Variants in NAPB observed in about 807,000 individuals in gnomAD.
NAPB encodes NSF attachment protein beta, also known as beta-soluble NSF attachment protein.
A neutral mutation model predicts 44.7 loss-of-function variants in NAPB; 26 were observed. The observed-to-expected ratio is 0.58, with a 90% confidence interval of 0.43 to 0.81. The LOEUF is 0.81. NAPB is among the 30% of genes least tolerant of loss of function. The pLI, the probability that NAPB is intolerant of heterozygous loss-of-function variation, is 0.00. For synonymous variants in NAPB, 120 were observed against 116.8 expected, an observed-to-expected ratio of 1.03 and a Z score of -0.18; for missense variants, 315 against 356.4, an observed-to-expected ratio of 0.88 and a Z score of 0.94.
chr20:23,413,026 T>C (rs1158012796), intron 1 of NAPB, among the ~76,000 whole-genome samples: 1 of 151,964 alleles, frequency 6.6e-6, no homozygotes, highest in Non-Finnish European at 1.5e-5. Context: ...TGGGTGCAGG[T>C]GGCTCATGCC....
intron 1 of NAPB, among the ~76,000 whole-genome samples, chr20:23,414,998 T>C (rs1352715974): frequency 6.6e-6 from 1 of 152,124 alleles, no homozygotes; most frequent in Admixed American, 6.5e-5. Context: ...AATTCATACA[T>C]GAATTAAGAT....
intron 2 of NAPB, among the ~76,000 whole-genome samples, chr20:23,399,103 C>T (rs1984627505): frequency 6.6e-6 from 1 of 152,016 alleles, no homozygotes; most frequent in Non-Finnish European, 1.5e-5. Context: ...AGGGACAGTA[C>T]AAACTCTGGA....
At chr20:23,419,989 T>C (rs960056469) in intron 1 of NAPB, among the ~76,000 whole-genome samples, 8 of 151,012 alleles carry the variant, frequency 5.3e-5, no homozygotes, top group South Asian at 2.1e-4. Context: ...TCTTCTGAAA[T>C]AGAGTCTGAA....
intron 2 of NAPB, among the ~76,000 whole-genome samples, chr20:23,401,308 C>T (rs371247783): frequency 2.2e-4 from 34 of 152,144 alleles, no homozygotes; most frequent in African/African-American, 7.5e-4. Context: ...TTCACTGGAA[C>T]GCTAGGCACG....
chr20:23,386,643 G>T (rs147442541), intron 7 of NAPB, among the ~76,000 whole-genome samples: 2 of 152,184 alleles, frequency 1.3e-5, no homozygotes, highest in Non-Finnish European at 2.9e-5. Context: ...AGAACACCAC[G>T]TTCAGGGGAG....
At chr20:23,420,696 C>T (rs942918198) in intron 1 of NAPB, among the ~76,000 whole-genome samples, 1 of 152,144 alleles carries the variant, frequency 6.6e-6, no homozygotes, top group African/African-American at 2.4e-5. Context: ...CGAGCTACCG[C>T]GCCCGCGGGC....
chr20:23,380,979 G>A, intron 8 of NAPB: 1 of 447,494 alleles, frequency 2.2e-6, no homozygotes, highest in Non-Finnish European at 4.1e-6. Context: ...GATCAGACGA[G>A]ATTGGGTGTG....
At chr20:23,392,339 C>T (rs1162015248) in intron 5 of NAPB, among the ~76,000 whole-genome samples, 1 of 152,154 alleles carries the variant, frequency 6.6e-6, no homozygotes, top group Non-Finnish European at 1.5e-5. Context: ...AACCATAGTA[C>T]ACCTGTTCTT....
Position 23,390,042 on chromosome 20 carries a change from A to C in NAPB, c.477-12T>G, listed in dbSNP as rs919641808. The stretch of plus-strand genomic sequence containing the variant: ...ACTTGTTTGCTGAGCTGAAATCAAG[A>C]ACCAAAGCAGAGTGAGTAACAAGTC... On this transcript the variant is annotated splice_polypyrimidine_tract_variant and intron_variant, in intron 6 of 10. Transcript: ENST00000377026. 3.7e-6 allele frequency: 6 copies of C among 1,613,684 alleles called. No homozygotes were observed.
intron 3 of NAPB, 78 bp downstream of exon 3, chr20:23,396,993 CA>C: frequency 6.9e-7 from 1 of 1,448,008 alleles, no homozygotes. Context: ...AGCACACCAA[CA>C]CTGACCTTAA....
At chr20:23,410,238 C>T (rs1360544178) in intron 1 of NAPB, among the ~76,000 whole-genome samples, 1 of 152,084 alleles carries the variant, frequency 6.6e-6, no homozygotes, top group African/African-American at 2.4e-5. Context: ...TTAAAGAAAC[C>T]GCACTTAACT....
chr20:23,397,764 T>C (rs964877382), intron 2 of NAPB, among the ~76,000 whole-genome samples: 1 of 152,222 alleles, frequency 6.6e-6, no homozygotes, highest in African/African-American at 2.4e-5. Context: ...CTGACTGAAA[T>C]TTATATGAGG....
chr20:23,421,375 C>G lies in NAPB; in HGVS notation c.28G>C (p.Ala10Pro). 1 of 1,552,262 alleles carries G rather than the reference C, an allele frequency of 6.4e-7. No homozygotes were observed. The highest frequency in any genetic ancestry group is 8.7e-7 in the Non-Finnish European group (1 of 1,148,200). Residue 10 changes from alanine to proline, a missense_variant, in exon 1 of 11, where the codon GCA becomes CCA. Physicochemically the swap from Ala to Pro is conservative, Grantham distance 27. Coordinates refer to ENST00000377026, the MANE Select transcript of NAPB (RefSeq NM_022080.3). Reference sequence around the variant, plus strand: ...TCGGCCTCCGCCATCAGCTGTACTGCCTCACGCTCCTTCCCCGCGTTGTCC... The same window carrying G: ...TCGGCCTCCGCCATCAGCTGTACTGGCTCACGCTCCTTCCCCGCGTTGTCC... Reference protein sequence around the residue: MDNAGKEREAVQLMAEAEKR... With the variant: MDNAGKEREPVQLMAEAEKR...
At chr20:23,410,021 T>G (rs910197394) in intron 1 of NAPB, among the ~76,000 whole-genome samples, 2 of 152,130 alleles carry the variant, frequency 1.3e-5, no homozygotes, top group African/African-American at 4.8e-5. Flanking sequence ...AGCACTGCAG[T>G]TGGGAACTGA....
intron 2 of NAPB, among the ~76,000 whole-genome samples, chr20:23,399,592 G>C (rs569010926): frequency 6.6e-6 from 1 of 152,216 alleles, no homozygotes; most frequent in African/African-American, 2.4e-5. Context: ...TGAACAATCA[G>C]AGTACATGCC....
intron 1 of NAPB, among the ~76,000 whole-genome samples, chr20:23,414,763 TAAACAC>T (rs1985889323): frequency 6.6e-6 from 1 of 152,140 alleles, no homozygotes; most frequent in Non-Finnish European, 1.5e-5. Flanking sequence ...ACCAATCAGA[TAAACAC>T]AATGTGAAAA....
chr20:23,414,825 C>T (rs911174479), intron 1 of NAPB, among the ~76,000 whole-genome samples: 2 of 152,066 alleles, frequency 1.3e-5, no homozygotes, highest in Admixed American at 6.5e-5. Flanking sequence ...ATTCTGTGTC[C>T]TCATTGCATA....
At chr20:23,405,270 G>C (rs113119390) in intron 1 of NAPB, among the ~76,000 whole-genome samples, 2,390 of 142,778 alleles carry the variant, frequency 0.017, 33 homozygotes, top group Middle Eastern at 0.034. Flanking sequence ...GACAGAGCGA[G>C]ACTTTGTCAA....
chr20:23,418,067 T>C (rs1371116164), intron 1 of NAPB, among the ~76,000 whole-genome samples: 1 of 152,232 alleles, frequency 6.6e-6, no homozygotes, highest in African/African-American at 2.4e-5. Flanking sequence ...ATTCAGAATG[T>C]CTGTGATGTG....
Sources: allele counts gnomAD v4.1 joint callset (sites outside exome capture counted in the v4.1 genomes callset), GRCh38; gene constraint gnomAD v4.1.1; transcripts MANE v1.5; gene names NCBI Gene and HGNC (gene_info 2026-07-23, HGNC 2026-07-21).